Variants in BICC1 observed in about 807,000 individuals in gnomAD.
BICC1 encodes BicC family RNA binding protein 1.
Under a neutral mutation model 111.0 loss-of-function variants are expected in BICC1, and 43 were observed. That is an observed-to-expected ratio of 0.39 (90% CI 0.30 to 0.50). The LOEUF (loss-of-function observed/expected upper bound fraction) is 0.50, where lower values mean the gene tolerates loss of function less well. Among genes scored for constraint, BICC1 ranks in the 20% least tolerant of loss-of-function variants. BICC1 has a pLI of 0.88. For synonymous variants in BICC1, 467 were observed against 434.4 expected (o/e 1.07, Z -0.93); for missense variants, 1,091 against 1,203.2 (o/e 0.91, Z 1.38).
intron 1 of BICC1, among the ~76,000 whole-genome samples, chr10:58,611,422 C>T (rs922110399): frequency 2.6e-5 from 4 of 151,298 alleles, no homozygotes; most frequent in South Asian, 2.1e-4. Context: ...TATATGTACA[C>T]GTACAGACTT....
At chr10:58,817,450 C>G in intron 18 of BICC1, 112 bp from the exon 19 acceptor site, 1 of 1,139,192 alleles carries the variant, frequency 8.8e-7, no homozygotes, top group Non-Finnish European at 1.3e-6. Context: ...CAGCTACTGC[C>G]CTATTCAGCT....
chr10:58,613,525 G>A (rs946845456), intron 1 of BICC1, among the ~76,000 whole-genome samples: 3 of 152,130 alleles, frequency 2.0e-5, no homozygotes, highest in Non-Finnish European at 2.9e-5. Context: ...AAAAGGAAAT[G>A]ATTTGAGTCA....
chr10:58,720,098 A>G (rs886392678), intron 3 of BICC1, among the ~76,000 whole-genome samples: 13 of 152,202 alleles, frequency 8.5e-5, no homozygotes, highest in African/African-American at 2.9e-4. Flanking sequence ...TAAATTTGCC[A>G]AGATAATCAG....
intron 1 of BICC1, among the ~76,000 whole-genome samples, chr10:58,619,841 G>T (rs1845742326): frequency 6.6e-6 from 1 of 152,140 alleles, no homozygotes; most frequent in South Asian, 2.1e-4. Context: ...CATTTCTTGG[G>T]TCTTTAGTCA....
intron 3 of BICC1, among the ~76,000 whole-genome samples, chr10:58,744,445 A>G (rs1222195565): frequency 6.6e-6 from 1 of 152,138 alleles, no homozygotes; most frequent in Non-Finnish European, 1.5e-5. Context: ...TTAAAAAAAT[A>G]GCTTTCATGC....
At chr10:58,775,804 T>C (rs1347838352) in intron 3 of BICC1, among the ~76,000 whole-genome samples, 2 of 152,216 alleles carry the variant, frequency 1.3e-5, no homozygotes, top group Non-Finnish European at 2.9e-5. Flanking sequence ...TTGCAAGTGA[T>C]AATTTTCTTT....
At chr10:58,657,936 C>A (rs748483791) in intron 2 of BICC1, among the ~76,000 whole-genome samples, 4 of 152,126 alleles carry the variant, frequency 2.6e-5, no homozygotes, top group Non-Finnish European at 5.9e-5. Context: ...AGTGAATTTT[C>A]AACCATTTGC....
At chr10:58,674,429 A>G (rs991517083) in intron 2 of BICC1, among the ~76,000 whole-genome samples, 35 of 152,204 alleles carry the variant, frequency 2.3e-4, no homozygotes, top group Non-Finnish European at 4.4e-5. Flanking sequence ...TGGGCAAATG[A>G]GTAATTTTCC....
intron 3 of BICC1, among the ~76,000 whole-genome samples, chr10:58,731,825 G>A (rs1841307971): frequency 6.6e-6 from 1 of 151,962 alleles, no homozygotes. Context: ...AAGAGGGATG[G>A]TGTTAAACCG....
chr10:58,672,189 G>A (rs912177742), intron 2 of BICC1, among the ~76,000 whole-genome samples: 1 of 152,014 alleles, frequency 6.6e-6, no homozygotes, highest in Non-Finnish European at 1.5e-5. Context: ...TCCATCTCCA[G>A]AACTTTTTCA....
chr10:58,586,007 A>T (rs888739899), intron 1 of BICC1, among the ~76,000 whole-genome samples: 1 of 152,210 alleles, frequency 6.6e-6, no homozygotes, highest in African/African-American at 2.4e-5. Flanking sequence ...TCCTCCAGCT[A>T]AACTTTATCA....
At chr10:58,758,041 CATTTGCAGT>C (rs1842193834) in intron 3 of BICC1, among the ~76,000 whole-genome samples, 1 of 152,104 alleles carries the variant, frequency 6.6e-6, no homozygotes, top group Non-Finnish European at 1.5e-5. Context: ...ACACTTAACA[CATTTGCAGT>C]ATTTTTCCTT....
At chr10:58,763,985 C>T (rs935916494) in intron 3 of BICC1, among the ~76,000 whole-genome samples, 10 of 152,100 alleles carry the variant, frequency 6.6e-5, no homozygotes, top group Admixed American at 6.6e-4. Flanking sequence ...CAAATGAAGA[C>T]TCACAGGCAT....
chr10:58,581,108 T>C (rs1236578336), intron 1 of BICC1, among the ~76,000 whole-genome samples: 2 of 152,180 alleles, frequency 1.3e-5, no homozygotes, highest in South Asian at 2.1e-4. Flanking sequence ...TCCATACTTA[T>C]AAAGCAAAGG....
chr10:58,630,023 T>C (rs954813288), intron 2 of BICC1, among the ~76,000 whole-genome samples: 1 of 152,218 alleles, frequency 6.6e-6, no homozygotes, highest in Non-Finnish European at 1.5e-5. Context: ...TCGACTCTGC[T>C]TCCCTGCTCT....
At chr10:58,773,053 C>T (rs1413371323) in intron 3 of BICC1, among the ~76,000 whole-genome samples, 1 of 152,102 alleles carries the variant, frequency 6.6e-6, no homozygotes, top group East Asian at 1.9e-4. Flanking sequence ...GATTAAAATG[C>T]ATTTGCATAG....
chr10:58,538,652 C>T (rs1842884234), intron 1 of BICC1, among the ~76,000 whole-genome samples: 1 of 151,610 alleles, frequency 6.6e-6, no homozygotes, highest in Non-Finnish European at 1.5e-5. Context: ...AAAGAAATAA[C>T]CATTAAATAG....
chr10:58,804,418 C>T (rs2393500), intron 15 of BICC1, among the ~76,000 whole-genome samples: 109,827 of 151,996 alleles, frequency 0.72, 39,782 homozygotes, highest in Admixed American at 0.75. Context: ...ACTTGGAGGC[C>T]GAGGTGGGAG....
At chr10:58,663,885 G>C (rs1412391556) in intron 2 of BICC1, among the ~76,000 whole-genome samples, 2 of 152,106 alleles carry the variant, frequency 1.3e-5, no homozygotes, top group Non-Finnish European at 2.9e-5. Flanking sequence ...TGAGGTTGTT[G>C]GGTGTGTCAG....
Sources: gnomAD v4.1 joint callset for allele counts (sites outside exome capture counted in the v4.1 genomes callset) on GRCh38, gnomAD v4.1.1 for gene constraint, MANE v1.5 for transcripts, NCBI Gene and HGNC (gene_info 2026-07-23, HGNC 2026-07-21) for gene names.